DLC1: variants seen among roughly 807,000 people sequenced by gnomAD.
The protein encoded by DLC1 is DLC1 Rho GTPase activating protein, also known as rho GTPase-activating protein 7.
A neutral mutation model predicts 140.3 loss-of-function variants in DLC1; 54 were observed. The observed-to-expected ratio is 0.38, with a 90% CI of 0.31 to 0.48. The LOEUF (loss-of-function observed/expected upper bound fraction) is 0.48, where lower values mean the gene tolerates loss of function less well. Ranked by LOEUF, DLC1 falls within the 20% of genes least tolerant of loss-of-function variation. DLC1 has a pLI of 0.96. For missense variants in DLC1, 2,536 were observed against 1,907.0 expected, an observed-to-expected ratio of 1.33 and a Z score of -6.14; for synonymous variants, 986 against 728.1, an observed-to-expected ratio of 1.35 and a Z score of -5.70.
At chr8:13,523,971 G>A (rs1055494937) in intron 1 of DLC1, among the ~76,000 whole-genome samples, 5 of 151,512 alleles carry the variant, frequency 3.3e-5, no homozygotes, top group African/African-American at 1.2e-4. Flanking sequence ...TAGGAGAGAG[G>A]GGATGGGATC....
intron 5 of DLC1, among the ~76,000 whole-genome samples, chr8:13,185,193 A>G (rs1417473634): frequency 8.7e-6 from 1 of 115,010 alleles, no homozygotes. Context: ...TTGAGCCTAT[A>G]TGTGTCTTTG....
Position 13,098,457 on chromosome 8 carries a change from G to A in DLC1, c.3109C>T (p.Leu1037=), listed in dbSNP as rs565769446. The A allele has an allele frequency of 6.8e-6, 11 of 1,614,146 alleles. No homozygotes were observed. Among genetic ancestry groups the A allele is most frequent in the Admixed American group, 3.3e-5 (2 of 60,018 alleles). The change falls in exon 10 of 18, where the codon CTA becomes TTA. Residue 1037 remains leucine (L), a synonymous_variant. Transcript: ENST00000276297. ...TTCTCCAGCAGGGCCGTTAGCTTTAGGAGTGAGTATTTCTGCAGCAGGTTC... is the reference window on the plus strand; with the variant it reads ...TTCTCCAGCAGGGCCGTTAGCTTTAAGAGTGAGTATTTCTGCAGCAGGTTC... ...QMNLLQKYSL[L]KLTALLEKYT... is the part of the protein sequence containing the mutation.
intron 1 of DLC1, among the ~76,000 whole-genome samples, chr8:13,561,648 G>A (rs1409092410): frequency 1.3e-5 from 2 of 152,020 alleles, no homozygotes; most frequent in East Asian, 3.8e-4. Flanking sequence ...TCATTTACCT[G>A]CTTATCTACC....
intron 5 of DLC1, among the ~76,000 whole-genome samples, chr8:13,122,365 T>C (rs1821164843): frequency 6.6e-6 from 1 of 152,200 alleles, no homozygotes. Flanking sequence ...CCTTAAGCCC[T>C]GAGTTCTCTC....
At chr8:13,491,996 T>C (rs1048881212) in intron 2 of DLC1, among the ~76,000 whole-genome samples, 11 of 152,196 alleles carry the variant, frequency 7.2e-5, no homozygotes, top group Non-Finnish European at 1.3e-4. Flanking sequence ...GTGGAATCAA[T>C]TGGATTCCAA....
chr8:13,552,031 G>A (rs981705190), intron 1 of DLC1, among the ~76,000 whole-genome samples: 6 of 133,326 alleles, frequency 4.5e-5, no homozygotes, highest in African/African-American at 1.4e-4. Flanking sequence ...ATATATATAT[G>A]TGTGTGTGTA....
chr8:13,334,482 T>C (rs1239945853), intron 4 of DLC1, among the ~76,000 whole-genome samples: 2 of 151,946 alleles, frequency 1.3e-5, no homozygotes, highest in South Asian at 2.1e-4. Flanking sequence ...ACTGTGCACA[T>C]GGGGTAGACT....
intron 5 of DLC1, among the ~76,000 whole-genome samples, chr8:13,285,430 G>C (rs113406924): frequency 2.0e-5 from 3 of 152,232 alleles, no homozygotes; most frequent in African/African-American, 7.2e-5. Context: ...CTAAATGTAG[G>C]AGTAAAACTG....
intron 5 of DLC1, among the ~76,000 whole-genome samples, chr8:13,203,825 C>A (rs933973083): frequency 1.3e-5 from 2 of 152,126 alleles, no homozygotes; most frequent in Non-Finnish European, 2.9e-5. Context: ...ATGGAAAATA[C>A]CATGATAGGA....
intron 4 of DLC1, among the ~76,000 whole-genome samples, chr8:13,344,714 A>C (rs920191058): frequency 6.6e-6 from 1 of 152,220 alleles, no homozygotes; most frequent in African/African-American, 2.4e-5. Context: ...GACAGTGATT[A>C]TAACACAAGA....
intron 4 of DLC1, chr8:13,340,106 TCCTGGGGAGGAGGC>T (rs376908408): frequency 0.032 from 4,904 of 152,112 alleles, 112 homozygotes; most frequent in South Asian, 0.094. Context: ...GGGAAGGAGG[TCCTGGGGAGGAGGC>T]CGGAATGAAG....
intron 1 of DLC1, chr8:13,567,640 C>G: frequency 1.3e-6 from 2 of 1,551,604 alleles, no homozygotes; most frequent in Non-Finnish European, 1.7e-6. Flanking sequence ...CTTTCTGAAA[C>G]AAAAGAAGAC....
At chr8:13,550,278 G>C (rs541653580) in intron 1 of DLC1, among the ~76,000 whole-genome samples, 3 of 152,150 alleles carry the variant, frequency 2.0e-5, no homozygotes, top group Admixed American at 6.6e-5. Context: ...CTCACACTGT[G>C]CTTCTCTCCC....
intron 3 of DLC1, among the ~76,000 whole-genome samples, chr8:13,396,254 T>C (rs1019952063): frequency 1.3e-5 from 2 of 151,582 alleles, no homozygotes; most frequent in African/African-American, 4.9e-5. Flanking sequence ...AGAGACGGGG[T>C]TTCATCGTAT....
intron 1 of DLC1, among the ~76,000 whole-genome samples, chr8:13,538,204 C>T (rs952102172): frequency 1.3e-5 from 2 of 152,086 alleles, no homozygotes; most frequent in Admixed American, 6.5e-5. Context: ...TGACGACCAC[C>T]TGAGCTTTCA....
intron 17 of DLC1, 113 bp from the exon 18 acceptor site, chr8:13,086,044 G>A: frequency 6.8e-7 from 1 of 1,472,898 alleles, no homozygotes; most frequent in African/African-American, 1.4e-5. Flanking sequence ...CATTTCCCAT[G>A]CCTTTGAATT....
At chr8:13,207,927 A>G (rs965501063) in intron 5 of DLC1, among the ~76,000 whole-genome samples, 2 of 152,198 alleles carry the variant, frequency 1.3e-5, no homozygotes, top group Admixed American at 6.5e-5. Context: ...ACCCATTTTA[A>G]AACAGTTTGG....
At chr8:13,386,639 G>A (rs1012520440) in intron 4 of DLC1, among the ~76,000 whole-genome samples, 4 of 152,040 alleles carry the variant, frequency 2.6e-5, no homozygotes, top group African/African-American at 9.7e-5. Flanking sequence ...AATGGCCGTG[G>A]AAATATTTCT....
chr8:13,503,868 T>C (rs76091937), intron 1 of DLC1, among the ~76,000 whole-genome samples: 5,997 of 152,210 alleles, frequency 0.039, 376 homozygotes, highest in African/African-American at 0.13. Context: ...TAGATATCTA[T>C]CTGTGGTAAA....
Sources: allele counts gnomAD v4.1 joint callset (sites outside exome capture counted in the v4.1 genomes callset), GRCh38; gene constraint gnomAD v4.1.1; transcripts MANE v1.5; gene names NCBI Gene and HGNC (gene_info 2026-07-23, HGNC 2026-07-21).